OPCML: variants seen among roughly 807,000 people sequenced by gnomAD.
OPCML encodes opioid-binding protein/cell adhesion molecule.
Under a neutral mutation model 37.8 loss-of-function variants are expected in OPCML, and 13 were observed. The observed-to-expected ratio is 0.34, with a 90% CI of 0.22 to 0.55. The LOEUF (loss-of-function observed/expected upper bound fraction) is 0.55, where lower values mean the gene tolerates loss of function less well. OPCML is among the 20% of genes least tolerant of loss of function. OPCML has a pLI of 0.91. For missense variants in OPCML, 341 were observed against 435.6 expected (o/e 0.78, Z 1.93); for synonymous variants, 176 against 168.8 (o/e 1.04, Z -0.33).
chr11:133,461,958 G>T (rs1946870302), intron 1 of OPCML, among the ~76,000 whole-genome samples: 1 of 151,782 alleles, frequency 6.6e-6, no homozygotes, highest in Non-Finnish European at 1.5e-5. Flanking sequence ...AGAACAAAGA[G>T]CCAAGAAACA....
intron 1 of OPCML, among the ~76,000 whole-genome samples, chr11:133,254,987 C>T (rs1253337216): frequency 6.6e-6 from 1 of 152,162 alleles, no homozygotes; most frequent in Non-Finnish European, 1.5e-5. Context: ...TACCTTGATT[C>T]AAAGACATGC....
intron 1 of OPCML, among the ~76,000 whole-genome samples, chr11:133,355,775 T>A (rs1340725402): frequency 6.6e-6 from 1 of 152,180 alleles, no homozygotes. Context: ...TAGGTACCTC[T>A]CAGTCATTTA....
chr11:133,115,172 G>C (rs567811962), intron 1 of OPCML, among the ~76,000 whole-genome samples: 1 of 152,164 alleles, frequency 6.6e-6, no homozygotes, highest in African/African-American at 2.4e-5. Context: ...GCTCTGAGCC[G>C]CTCAGCAAAG....
In OPCML at chr11:132,897,877, T is replaced by C. The variant is rs559455450; in HGVS notation, c.146+45049A>G. 1.5e-4 allele frequency among the ~76,000 whole-genome samples: 23 copies of C among 152,346 alleles called. 1 individual carries two copies. The South Asian group carries it at 4.6e-3, about 30-fold the overall frequency. ...GAATAGATATGTGGATAGATCTCTCTGAGTCGGCAAAGGATGTGAAGTTAT... is the reference window on the plus strand; with the variant it reads ...GAATAGATATGTGGATAGATCTCTCCGAGTCGGCAAAGGATGTGAAGTTAT... On this transcript the variant is annotated intron_variant, in intron 2 of 7. Transcript: ENST00000524381.
intron 1 of OPCML, among the ~76,000 whole-genome samples, chr11:133,038,373 T>C (rs1483613616): frequency 6.6e-6 from 1 of 152,240 alleles, no homozygotes; most frequent in African/African-American, 2.4e-5. Context: ...TTTGGTTTCT[T>C]TATCTATAAA....
At chr11:133,140,943 AGACGAC>A (rs201331818) in intron 1 of OPCML, among the ~76,000 whole-genome samples, 13 of 13,654 alleles carry the variant, frequency 9.5e-4, no homozygotes, top group African/African-American at 1.5e-3. Context: ...AAGAAGAAGA[AGACGAC>A]GAAGAAGAAG....
At chr11:132,910,554 T>A (rs2136538530) in intron 2 of OPCML, among the ~76,000 whole-genome samples, 2 of 152,284 alleles carry the variant, frequency 1.3e-5, no homozygotes, top group South Asian at 4.1e-4. Flanking sequence ...GTCACTCTCT[T>A]CCTTCCTATC....
At position 133,477,201 on chromosome 11, in the gene OPCML, A is replaced by ATG. The variant is rs148741015; in HGVS notation, c.61+55062_61+55063insCA. ...TTTCTGTTCGCCCTCTTCTGCCTTC[A>ATG]GCACACGAAGAGTAGCCATCGCTCT... On this transcript the variant is annotated intron_variant, in intron 1 of 7. Coordinates refer to ENST00000524381, the MANE Select transcript of OPCML (RefSeq NM_001012393.5). 5.4e-3 allele frequency among the ~76,000 whole-genome samples: 817 copies of ATG among 152,320 alleles called. 12 individuals are homozygous for ATG. The highest frequency in any genetic ancestry group is 0.019 in the African/African-American group (785 of 41,572).
intron 1 of OPCML, among the ~76,000 whole-genome samples, chr11:133,096,316 A>T (rs1949003020): frequency 6.6e-6 from 1 of 152,052 alleles, no homozygotes; most frequent in Non-Finnish European, 1.5e-5. Flanking sequence ...ATTAGTTGTG[A>T]ATGTATAGTG....
At chr11:133,209,718 G>C (rs936405532) in intron 1 of OPCML, among the ~76,000 whole-genome samples, 2 of 152,214 alleles carry the variant, frequency 1.3e-5, no homozygotes, top group South Asian at 2.1e-4. Flanking sequence ...TGAATACATG[G>C]GTGGATGAAT....
At chr11:132,667,738 C>CAGAAGAAAGGGGATGAAGGATGCAA (rs1458779283) in intron 2 of OPCML, among the ~76,000 whole-genome samples, 8 of 152,214 alleles carry the variant, frequency 5.3e-5, no homozygotes, top group African/African-American at 1.9e-4. Flanking sequence ...AATGGAAGAA[C>CAGAAGAAAGGGGATGAAGGATGCAA]AGAAGAAAGG....
chr11:132,427,589 A>G (rs2095981853), intron 7 of OPCML, among the ~76,000 whole-genome samples: 1 of 152,192 alleles, frequency 6.6e-6, no homozygotes, highest in South Asian at 2.1e-4. Context: ...GTTCTCCTTA[A>G]CACACCCTGT....
intron 1 of OPCML, among the ~76,000 whole-genome samples, chr11:133,403,612 T>C (rs1475094669): frequency 6.6e-6 from 1 of 152,210 alleles, no homozygotes; most frequent in East Asian, 1.9e-4. Flanking sequence ...GAGATTACCC[T>C]TTTATGGCGA....
At chr11:133,247,593 T>TTCTTTCTTTCTTTCTTTCATCTG in intron 1 of OPCML, among the ~76,000 whole-genome samples, 1 of 149,128 alleles carries the variant, frequency 6.7e-6, no homozygotes, top group Non-Finnish European at 1.5e-5. Context: ...TCATCTGTCT[T>TTCTTTCTTTCTTTCTTTCATCTG]TCTTTCTTTC....
chr11:133,455,112 G>A (rs1195348006), intron 1 of OPCML, among the ~76,000 whole-genome samples: 1 of 152,026 alleles, frequency 6.6e-6, no homozygotes, highest in African/African-American at 2.4e-5. Flanking sequence ...TCATTGTCTT[G>A]CATCCTTCAC....
chr11:133,196,733 A>T (rs149658910), intron 1 of OPCML, among the ~76,000 whole-genome samples: 1 of 152,202 alleles, frequency 6.6e-6, no homozygotes, highest in South Asian at 2.1e-4. Flanking sequence ...CAAGTCAAAG[A>T]AAGACTAATC....
intron 3 of OPCML, among the ~76,000 whole-genome samples, chr11:132,609,123 G>A (rs376632777): frequency 6.6e-6 from 1 of 150,668 alleles, no homozygotes; most frequent in Non-Finnish European, 1.5e-5. Context: ...GTTTCTCATC[G>A]GCTTCTCACC....
At chr11:132,664,280 C>T (rs2135795043) in intron 2 of OPCML, among the ~76,000 whole-genome samples, 1 of 151,940 alleles carries the variant, frequency 6.6e-6, no homozygotes, top group African/African-American at 2.4e-5. Context: ...TAATAGTTAC[C>T]ACTGGAAATC....
chr11:133,226,385 C>A (rs1234660854), intron 1 of OPCML, among the ~76,000 whole-genome samples: 2 of 152,192 alleles, frequency 1.3e-5, no homozygotes, highest in Non-Finnish European at 2.9e-5. Flanking sequence ...CAGGACAGAG[C>A]CCCCTTCTTT....
Sources: gnomAD v4.1 joint callset for allele counts (sites outside exome capture counted in the v4.1 genomes callset) on GRCh38, gnomAD v4.1.1 for gene constraint, MANE v1.5 for transcripts, NCBI Gene and HGNC (gene_info 2026-07-23, HGNC 2026-07-21) for gene names.